The following USP47 variants were observed in gnomAD, a reference collection of about 807,000 sequenced individuals.
The protein encoded by USP47 is ubiquitin specific peptidase 47, also known as ubiquitin carboxyl-terminal hydrolase 47.
A neutral mutation model predicts 165.1 loss-of-function variants in USP47; 35 were observed. That is an observed-to-expected ratio of 0.21 (90% confidence interval 0.16 to 0.28). The LOEUF (loss-of-function observed/expected upper bound fraction) is 0.28. Ranked by LOEUF, USP47 falls within the 10% of genes least tolerant of loss-of-function variation. USP47 has a pLI of 1.00. For missense variants in USP47, 1,277 were observed against 1,607.4 expected (o/e 0.79, Z 3.52); for synonymous variants, 531 against 544.5 (o/e 0.98, Z 0.35).
intron 11 of USP47, among the ~76,000 whole-genome samples, chr11:11,925,841 C>T (rs562072598): frequency 2.6e-5 from 4 of 151,960 alleles, no homozygotes; most frequent in Non-Finnish European, 5.9e-5. Flanking sequence ...GAAAGCTTTC[C>T]GTTTTTCACC....
At chr11:11,914,728 A>G (rs1853281295) in intron 8 of USP47, among the ~76,000 whole-genome samples, 1 of 152,162 alleles carries the variant, frequency 6.6e-6, no homozygotes, top group South Asian at 2.1e-4. Context: ...ATTAAAGAGG[A>G]TATACAAATG....
At position 11,854,149 on chromosome 11, in the gene USP47, A is replaced by G. The variant is rs1848892813; in HGVS notation, c.39+11925A>G. On this transcript the variant is annotated intron_variant, in intron 1 of 27. Transcript: ENST00000527733. ...GACTCCGTCTCAAAAAAAAAAAAAA[A>G]AAAATCCTATCCAACCAGCAAAGTC... Among the ~76,000 whole-genome samples the G allele has an allele frequency of 1.4e-5, 2 of 145,442 alleles. 1 individual carries two copies. The highest frequency in any genetic ancestry group is 3.1e-5 in the Non-Finnish European group (2 of 64,984).
At chr11:11,872,440 A>G (rs1199904579) in intron 1 of USP47, among the ~76,000 whole-genome samples, 2 of 152,226 alleles carry the variant, frequency 1.3e-5, no homozygotes, top group Admixed American at 6.5e-5. Flanking sequence ...TGCTGGAGGC[A>G]AGTTAGACTC....
In USP47 at chr11:11,956,068, A is replaced by G. The variant is rs1480968727; in HGVS notation, c.3961A>G (p.Ser1321Gly). 1.9e-6 allele frequency: 3 copies of G among 1,604,618 alleles called. No homozygotes were observed. The highest frequency in any genetic ancestry group is 3.3e-4 in the Middle Eastern group (2 of 5,996). Residue 1321 changes from serine (S) to glycine (G), a missense_variant, in exon 28 of 28, where the codon AGT becomes GGT. By Grantham distance (56) the Ser-to-Gly change is moderately conservative. This residue lies in a region of USP47 where 909 missense variants were observed against 1,068.1 expected (regional missense o/e 0.85). Coordinates refer to ENST00000527733, the MANE Select transcript of USP47 (RefSeq NM_001282659.2). The part of the protein sequence containing the change: ...QRNELMKKES[S>G]RLQKTGHRVT... ...AAATGAACTGATGAAAAAAGAAAGC[A>G]GTCGACTCCAGAAGACTGGACATCG...
At chr11:11,908,322 A>G (rs1426488875) in intron 8 of USP47, among the ~76,000 whole-genome samples, 3 of 151,480 alleles carry the variant, frequency 2.0e-5, no homozygotes, top group African/African-American at 7.3e-5. Flanking sequence ...TTCTTTTTTT[A>G]GAGATGGGGT....
intron 1 of USP47, among the ~76,000 whole-genome samples, chr11:11,854,483 T>C (rs763826479): frequency 2.0e-5 from 3 of 146,986 alleles, no homozygotes; most frequent in Non-Finnish European, 4.6e-5. Context: ...TAATGTGTCA[T>C]GCACACAATA....
chr11:11,922,827 A>G lies in USP47; in HGVS notation c.1322A>G (p.Asp441Gly). 2 of 1,611,840 alleles carry G rather than the reference A, an allele frequency of 1.2e-6. No homozygotes were observed. The highest frequency in any genetic ancestry group is 1.7e-6 in the Non-Finnish European group (2 of 1,178,530). The change falls in exon 11 of 28, where the codon GAT becomes GGT. Residue 441 changes from aspartate to glycine, a missense_variant. Asp to Gly is a moderately conservative substitution (Grantham distance 94, BLOSUM62 -1). Around this residue, in one of 4 missense-constraint regions of USP47, gnomAD observed 175 missense variants for 295.8 expected, o/e 0.59. Coordinates refer to ENST00000527733, the MANE Select transcript of USP47 (RefSeq NM_001282659.2). ...SNDFSNDDGV[D>G]EGICLETNSG... ...GATTTCTCCAATGATGATGGTGTTG[A>G]TGAAGGAATCTGTCTTGAAACCAAT...
chr11:11,876,381 C>A (rs1850420537), intron 1 of USP47, among the ~76,000 whole-genome samples: 1 of 152,158 alleles, frequency 6.6e-6, no homozygotes, highest in Admixed American at 6.5e-5. Context: ...ACCAACAGCA[C>A]CATCATCATA....
chr11:11,923,891 GCAAACTATGGCT>G (rs1854044846), intron 11 of USP47, among the ~76,000 whole-genome samples: 2 of 152,352 alleles, frequency 1.3e-5, no homozygotes, highest in East Asian at 3.9e-4. Context: ...GCAGGAGTTG[GCAAACTATGGCT>G]CAAGAGCCAA....
chr11:11,935,211 T>C (rs1310396125), intron 16 of USP47, among the ~76,000 whole-genome samples: 1 of 152,116 alleles, frequency 6.6e-6, no homozygotes, highest in African/African-American at 2.4e-5. Flanking sequence ...TTTTAATTAA[T>C]ATTACTGCCC....
At chr11:11,920,565 T>C in intron 10 of USP47, 71 bp downstream of exon 10, 1 of 1,426,874 alleles carries the variant, frequency 7.0e-7, no homozygotes, top group Non-Finnish European at 9.4e-7. Flanking sequence ...AAAGAGCTGT[T>C]TGAGGTAATA....
Position 11,958,423 on chromosome 11 carries a change from A to G in USP47, c.*2248A>G, listed in dbSNP as rs1026591402. ...ACAAAGTTGCACTTTAATAATTTCA[A>G]TAAAAGCTAATCTGTGTCAGCCTCC... On this transcript the variant is annotated 3_prime_UTR_variant, in exon 28 of 28. Coordinates refer to ENST00000527733, the MANE Select transcript of USP47 (RefSeq NM_001282659.2). 9.9e-5 allele frequency: 15 copies of G among 152,264 alleles called. No individual in the cohort carries two copies. Among genetic ancestry groups the G allele is most frequent in the African/African-American group, 3.6e-4 (15 of 41,470 alleles). The allele number at this position is 152,264 out of a possible 1,614,324, so 9.4% of individuals were successfully genotyped here. A position where few individuals can be genotyped will look rare whatever the true frequency, so the allele number is the denominator to read the frequency against.
At chr11:11,866,336 G>T (rs1849678334) in intron 1 of USP47, among the ~76,000 whole-genome samples, 1 of 152,182 alleles carries the variant, frequency 6.6e-6, no homozygotes, top group South Asian at 2.1e-4. Context: ...TCAAGGCTCA[G>T]GAGAGGGAAA....
At position 11,841,977 on chromosome 11, in the gene USP47, A is replaced by G; in HGVS notation, c.-209A>G. 1.9e-6 allele frequency: 1 copy of G among 531,282 alleles called. No homozygotes were observed. The highest frequency in any genetic ancestry group is 3.3e-6 in the Non-Finnish European group (1 of 303,744). The allele number at this position is 531,282 out of a possible 1,614,324, so 32.9% of individuals were successfully genotyped here. On this transcript the variant is annotated 5_prime_UTR_variant, in exon 1 of 28. Transcript: ENST00000527733. ...GGGCTGGGGGAGGGGCCGACGACGAAGGCGGCTGTGGTAGCGGCGGCGGCG... is the reference window on the plus strand; with the variant it reads ...GGGCTGGGGGAGGGGCCGACGACGAGGGCGGCTGTGGTAGCGGCGGCGGCG...
chr11:11,945,217 G>A (rs1855746652), intron 20 of USP47, among the ~76,000 whole-genome samples: 1 of 152,156 alleles, frequency 6.6e-6, no homozygotes, highest in African/African-American at 2.4e-5. Context: ...ATAGCAGCTA[G>A]CAACCAGGTT....
intron 1 of USP47, among the ~76,000 whole-genome samples, chr11:11,842,471 G>A (rs939492383): frequency 7.2e-5 from 11 of 152,212 alleles, no homozygotes; most frequent in African/African-American, 2.4e-4. Flanking sequence ...AGGAGCGGAC[G>A]GGAAAGAATC....
intron 10 of USP47, among the ~76,000 whole-genome samples, chr11:11,921,719 T>G (rs1853851006): frequency 6.6e-6 from 1 of 151,750 alleles, no homozygotes; most frequent in African/African-American, 2.4e-5. Flanking sequence ...TAAAGGAAAA[T>G]TTTTTCCAAA....
intron 15 of USP47, 36 bp from the exon 16 acceptor site, chr11:11,933,795 A>C: frequency 8.4e-5 from 112 of 1,338,112 alleles, no homozygotes; most frequent in Non-Finnish European, 1.0e-4. Flanking sequence ...GAACTTTGGA[A>C]CTGCAGAGTT....
intron 21 of USP47, 58 bp from the exon 22 acceptor site, chr11:11,948,420 G>A (rs1292345774): frequency 2.8e-6 from 4 of 1,445,386 alleles, no homozygotes; most frequent in Non-Finnish European, 3.9e-6. Flanking sequence ...AATGGGATGA[G>A]AATGGGTTGT....
Sources: allele counts gnomAD v4.1 joint callset (sites outside exome capture counted in the v4.1 genomes callset), GRCh38; gene constraint gnomAD v4.1.1; regional missense constraint gnomAD v4.1.1; transcripts MANE v1.5; gene names NCBI Gene and HGNC (gene_info 2026-07-23, HGNC 2026-07-21).